NAPEPLD: variants seen among roughly 807,000 people sequenced by gnomAD.
NAPEPLD encodes N-acyl phosphatidylethanolamine phospholipase D.
A neutral mutation model predicts 38.1 loss-of-function variants in NAPEPLD; 23 were observed. The ratio of observed to expected loss-of-function variants is 0.60; its 90% CI spans 0.43 to 0.86. The LOEUF (loss-of-function observed/expected upper bound fraction) is 0.86. Ranked by LOEUF, NAPEPLD falls within the 40% of genes least tolerant of loss-of-function variation. NAPEPLD has a pLI of 0.00. For missense variants in NAPEPLD, 411 were observed against 476.8 expected (o/e 0.86, Z 1.28); for synonymous variants, 147 against 162.0 (o/e 0.91, Z 0.71).
intron 2 of NAPEPLD, among the ~76,000 whole-genome samples, chr7:103,122,142 T>C (rs1395546177): frequency 2.0e-5 from 3 of 150,658 alleles, no homozygotes; most frequent in Admixed American, 6.6e-5. Flanking sequence ...GGTTTTACCA[T>C]GTTGCCCAAG....
At chr7:103,137,616 G>A (rs746541965) in intron 1 of NAPEPLD, among the ~76,000 whole-genome samples, 29 of 152,058 alleles carry the variant, frequency 1.9e-4, no homozygotes, top group Non-Finnish European at 3.8e-4. Context: ...TTCATTTCCG[G>A]TATAATCAAT....
chr7:103,122,813 T>C (rs1272477070), intron 2 of NAPEPLD, among the ~76,000 whole-genome samples: 1 of 152,104 alleles, frequency 6.6e-6, no homozygotes, highest in African/African-American at 2.4e-5. Context: ...CATTCAAAGC[T>C]CTCCAGATTG....
chr7:103,147,159 A>G (rs1177747079), intron 1 of NAPEPLD, among the ~76,000 whole-genome samples: 1 of 152,234 alleles, frequency 6.6e-6, no homozygotes, highest in African/African-American at 2.4e-5. Context: ...AGCACTATAA[A>G]TTGTAGACAG....
rs1806211654 is a variant in NAPEPLD at position 103,119,580 on chromosome 7, G to A, written c.938C>T (p.Pro313Leu). ...TTTTCTTTGGAAGTCTACATACCTCGGTTCATAAGCTCCGATGGGAATAGC... is the reference window on the plus strand; with the variant it reads ...TTTTCTTTGGAAGTCTACATACCTCAGTTCATAAGCTCCGATGGGAATAGC... ...LAAIPIGAYE[P>L]RWFMKYQHVD... Residue 313 changes from proline to leucine, a missense_variant, in exon 3 of 5, where the codon CCG becomes CTG. By Grantham distance (98) the Pro-to-Leu change is moderately conservative. Coordinates refer to ENST00000465647, the MANE Select transcript of NAPEPLD (RefSeq NM_001122838.3). 7 of 1,611,828 alleles carry A rather than the reference G, an allele frequency of 4.3e-6. No individual in the cohort carries two copies. The highest frequency in any genetic ancestry group is 5.9e-6 in the Non-Finnish European group (7 of 1,178,756).
At chr7:103,120,824 C>T (rs1291565524) in intron 2 of NAPEPLD, among the ~76,000 whole-genome samples, 3 of 142,496 alleles carry the variant, frequency 2.1e-5, no homozygotes, top group Non-Finnish European at 4.5e-5. Flanking sequence ...AGTGATCATC[C>T]CACCTCAACC....
intron 1 of NAPEPLD, among the ~76,000 whole-genome samples, chr7:103,137,086 C>T (rs561897016): frequency 1.3e-5 from 2 of 152,206 alleles, no homozygotes; most frequent in South Asian, 2.1e-4. Context: ...ATTACAGGTG[C>T]CCGCCACCAT....
In NAPEPLD at chr7:103,119,711, G is replaced by A. The variant is rs1473541898; in HGVS notation, c.807C>T (p.Ser269=). 1 of 1,614,136 alleles carries A rather than the reference G, an allele frequency of 6.2e-7. No homozygotes were observed. Among genetic ancestry groups the A allele is most frequent in the Non-Finnish European group, 8.5e-7 (1 of 1,180,034 alleles). The change falls in exon 3 of 5, where the codon AGC becomes AGT. Residue 269 remains serine (S), a synonymous_variant. Transcript: ENST00000465647. The part of the protein sequence containing the change: ...LMDDNKVLWG[S]WSVLGPWNRF... Reference sequence around the variant, plus strand: ...GATTCCAAGGCCCCAAGACAGACCAGCTGCCCCATAGCACCTTGTTGTCAT... The same window carrying A: ...GATTCCAAGGCCCCAAGACAGACCAACTGCCCCATAGCACCTTGTTGTCAT...
At position 103,115,105 on chromosome 7, in the gene NAPEPLD, C is replaced by A. The variant is rs768582338; in HGVS notation, c.1011G>T (p.Lys337Asn). The stretch of plus-strand genomic sequence containing the variant: ...TTCCCCAGTGAATTGCCATAGATTT[C>A]TTTGTTTGGACATCAGTGTGAATCC... ...AVRIHTDVQT[K>N]KSMAIHWGTF... The change falls in exon 4 of 5, where the codon AAG (lysine) becomes AAT (asparagine). Residue 337 changes from lysine (K) to asparagine (N), a missense_variant. Transcript: ENST00000465647. 6.8e-6 allele frequency: 11 copies of A among 1,613,928 alleles called. 1 individual carries two copies. In the South Asian group the frequency reaches 1.2e-4, roughly 18 times the overall value.
chr7:103,103,273 AGGAAGCAAGT>A lies in NAPEPLD; in HGVS notation c.*146_*155del. ...ATAGTGTACATGAGCTGATCATACTAGGAAGCAAGTTATTACACAAAACATAAAACATAAA... is the reference window on the plus strand; with the variant it reads ...ATAGTGTACATGAGCTGATCATACTATATTACACAAAACATAAAACATAAA... On this transcript the variant is annotated 3_prime_UTR_variant, in exon 5 of 5. Transcript: ENST00000465647. 2 of 867,150 alleles carry A rather than the reference AGGAAGCAAGT, an allele frequency of 2.3e-6. No individual in the cohort carries two copies. The highest frequency in any genetic ancestry group is 3.4e-6 in the Non-Finnish European group (2 of 582,070). The allele number at this position is 867,150 out of a possible 1,614,324, so 53.7% of individuals were successfully genotyped here.
Position 103,101,525 on chromosome 7 carries a change from C to G in NAPEPLD, c.*1904G>C, listed in dbSNP as rs900491665. The stretch of plus-strand genomic sequence containing the variant: ...ACAATACATTATCAAAAGCATTAAC[C>G]TGTATTTAGCTTTCAAATATACCTG... On this transcript the variant is annotated 3_prime_UTR_variant, in exon 5 of 5. Coordinates refer to ENST00000465647, the MANE Select transcript of NAPEPLD (RefSeq NM_001122838.3). The G allele has an allele frequency of 6.6e-6, 1 of 152,564 alleles. No individual in the cohort carries two copies. Among genetic ancestry groups the G allele is most frequent in the Non-Finnish European group, 1.5e-5 (1 of 68,020 alleles). The allele number at this position is 152,564 out of a possible 1,614,324, so 9.5% of individuals were successfully genotyped here. A position where few individuals can be genotyped will look rare whatever the true frequency, so the allele number is the denominator to read the frequency against.
chr7:103,102,097 G>T lies in NAPEPLD; in HGVS notation c.*1332C>A, dbSNP rs1802488686. 7.3e-6 allele frequency: 1 copy of T among 136,946 alleles called. No homozygotes were observed. Among genetic ancestry groups the T allele is most frequent in the South Asian group, 2.3e-4 (1 of 4,422 alleles). 8.5% of individuals were successfully genotyped at this position (136,946 alleles called of 1,614,324 possible). A position where few individuals can be genotyped will look rare whatever the true frequency, so the allele number is the denominator to read the frequency against. On this transcript the variant is annotated 3_prime_UTR_variant, in exon 5 of 5. Coordinates refer to ENST00000465647, the MANE Select transcript of NAPEPLD (RefSeq NM_001122838.3). ...TAAAAATGTAAGACATCTGAATCAG[G>T]TAAAAAAAATTATAAATCTGATTGA...
At chr7:103,140,296 T>C (rs1379199480) in intron 1 of NAPEPLD, among the ~76,000 whole-genome samples, 1 of 151,812 alleles carries the variant, frequency 6.6e-6, no homozygotes, top group Non-Finnish European at 1.5e-5. Context: ...CTGAGGGAAA[T>C]GGTATGAATA....
Position 103,141,265 on chromosome 7 carries a change from T to TAA in NAPEPLD, c.-17+7545_-17+7546insTT. 2 of 117,694 alleles carry TAA rather than the reference T, an allele frequency of 1.7e-5. 1 individual carries two copies. The highest frequency in any genetic ancestry group is 3.3e-5 in the Non-Finnish European group (2 of 59,724). 7.3% of individuals were successfully genotyped at this position (117,694 alleles called of 1,614,324 possible). ...GTTTTTTTTTTTTTTTTTTTTTTTT[T>TAA]GCAAGCAGATAAAGGCTTATTTTAC... On this transcript the variant is annotated intron_variant, in intron 1 of 4. Transcript: ENST00000465647.
At position 103,128,737 on chromosome 7, in the gene NAPEPLD, T is replaced by A; in HGVS notation, c.40A>T (p.Ser14Cys). The A allele has an allele frequency of 6.2e-7, 1 of 1,613,930 alleles. No individual in the cohort carries two copies. Among genetic ancestry groups the A allele is most frequent in the Non-Finnish European group, 8.5e-7 (1 of 1,179,980 alleles). Residue 14 changes from serine (S) to cysteine (C), a missense_variant, in exon 2 of 5, where the codon AGC (serine) becomes TGC (cysteine). Coordinates refer to ENST00000465647, the MANE Select transcript of NAPEPLD (RefSeq NM_001122838.3). The stretch of plus-strand genomic sequence containing the variant: ...CTTACTGCTTCTTTAGGATATTGGC[T>A]GCTTGTCATCAGAGACTGGTTGCTT... The part of the protein sequence containing the change: ...NESNQSLMTS[S>C]QYPKEAVRKR...
intron 1 of NAPEPLD, among the ~76,000 whole-genome samples, chr7:103,136,727 AT>A (rs542460082): frequency 1.4e-3 from 208 of 152,210 alleles, no homozygotes; most frequent in African/African-American, 4.5e-3. Flanking sequence ...AAGTTACTGA[AT>A]TTTTTTCATT....
In NAPEPLD at chr7:103,115,083, C is replaced by T; in HGVS notation, c.1033G>A (p.Gly345Arg). The change falls in exon 4 of 5, where the codon GGA becomes AGA. Residue 345 changes from glycine to arginine, a missense_variant. By Grantham distance (125) the Gly-to-Arg change is moderately radical. Transcript: ENST00000465647. Reference protein sequence around the residue: ...QTKKSMAIHWGTFALANEHYL... With the variant: ...QTKKSMAIHWRTFALANEHYL... The stretch of plus-strand genomic sequence containing the variant: ...ACCTCATTTGCTAAGGCAAAAGTTC[C>T]CCAGTGAATTGCCATAGATTTCTTT... The T allele has an allele frequency of 6.2e-7, 1 of 1,613,564 alleles. No homozygotes were observed. The highest frequency in any genetic ancestry group is 8.5e-7 in the Non-Finnish European group (1 of 1,179,768).
chr7:103,123,249 GA>G (rs1307761827), intron 2 of NAPEPLD, among the ~76,000 whole-genome samples: 5 of 152,156 alleles, frequency 3.3e-5, no homozygotes, highest in Admixed American at 2.0e-4. Context: ...TGTGTACACA[GA>G]ATTTGTCCCA....
At chr7:103,119,548 A>G (rs201770288) in intron 3 of NAPEPLD, 29 bp downstream of exon 3, 16 of 1,576,118 alleles carry the variant, frequency 1.0e-5, no homozygotes, top group Non-Finnish European at 1.2e-5. Flanking sequence ...ATCACATAGC[A>G]GGAATGTTTT....
intron 4 of NAPEPLD, among the ~76,000 whole-genome samples, chr7:103,108,339 C>T (rs767876562): frequency 7.9e-5 from 12 of 152,038 alleles, no homozygotes; most frequent in Admixed American, 6.6e-4. Flanking sequence ...GACGGGGTTT[C>T]ACCATGTTGG....
Sources: allele counts gnomAD v4.1 joint callset (sites outside exome capture counted in the v4.1 genomes callset), GRCh38; gene constraint gnomAD v4.1.1; transcripts MANE v1.5; gene names NCBI Gene and HGNC (gene_info 2026-07-23, HGNC 2026-07-21).